POU2F1: variants seen among roughly 807,000 people sequenced by gnomAD.
POU2F1 encodes POU class 2 homeobox 1, also known as POU domain, class 2, transcription factor 1.
Under a neutral mutation model 84.9 loss-of-function variants are expected in POU2F1, and 16 were observed. That is an observed-to-expected ratio of 0.19 (90% CI 0.13 to 0.29). The LOEUF is 0.29. POU2F1 is among the 10% of genes least tolerant of loss of function. POU2F1 has a pLI of 1.00. For missense variants in POU2F1, 738 were observed against 942.6 expected, an observed-to-expected ratio of 0.78 and a Z score of 2.84; for synonymous variants, 368 against 368.3, an observed-to-expected ratio of 1.00 and a Z score of 0.01.
intron 1 of POU2F1, among the ~76,000 whole-genome samples, chr1:167,288,376 T>G (rs2102524236): frequency 6.6e-6 from 1 of 152,320 alleles, no homozygotes; most frequent in South Asian, 2.1e-4. Context: ...ATTCCTAACA[T>G]GGTTAGTCTT....
chr1:167,350,673 CAA>C (rs56240224), intron 2 of POU2F1, among the ~76,000 whole-genome samples: 15 of 58,692 alleles, frequency 2.6e-4, no homozygotes, highest in Non-Finnish European at 3.4e-4. Flanking sequence ...GACTCCATCT[CAA>C]AAAAAAAAAA....
chr1:167,369,389 A>G (rs1435132263), intron 3 of POU2F1, among the ~76,000 whole-genome samples: 1 of 152,184 alleles, frequency 6.6e-6, no homozygotes, highest in African/African-American at 2.4e-5. Context: ...TGTGAGTATC[A>G]AGTATCATTG....
intron 1 of POU2F1, among the ~76,000 whole-genome samples, chr1:167,251,687 G>A (rs1650737771): frequency 6.6e-6 from 1 of 152,048 alleles, no homozygotes; most frequent in Non-Finnish European, 1.5e-5. Context: ...GATCTTGTTT[G>A]TGTGACTACA....
At chr1:167,249,701 G>T (rs981209284) in intron 1 of POU2F1, among the ~76,000 whole-genome samples, 1 of 152,194 alleles carries the variant, frequency 6.6e-6, no homozygotes, top group South Asian at 2.1e-4. Flanking sequence ...AGAGCCAGAG[G>T]TCTGGGAGTA....
intron 1 of POU2F1, among the ~76,000 whole-genome samples, chr1:167,290,362 A>C (rs1389898591): frequency 3.3e-5 from 5 of 152,222 alleles, no homozygotes; most frequent in African/African-American, 1.2e-4. Context: ...GTGCCATTGC[A>C]CTTCAGCCTG....
chr1:167,389,070 G>A (rs1181169317), intron 8 of POU2F1, among the ~76,000 whole-genome samples: 1 of 152,126 alleles, frequency 6.6e-6, no homozygotes, highest in African/African-American at 2.4e-5. Context: ...ATATACAAAA[G>A]CGAAACCTGT....
intron 1 of POU2F1, among the ~76,000 whole-genome samples, chr1:167,306,337 A>T (rs1655062264): frequency 6.6e-6 from 1 of 152,224 alleles, no homozygotes; most frequent in Admixed American, 6.5e-5. Context: ...TCCTGTGTAC[A>T]ATAAAGATGA....
At chr1:167,407,318 C>T (rs1009687112) in intron 13 of POU2F1, among the ~76,000 whole-genome samples, 1 of 152,184 alleles carries the variant, frequency 6.6e-6, no homozygotes, top group African/African-American at 2.4e-5. Flanking sequence ...GCATGAGCCA[C>T]CATGCTCAGT....
chr1:167,316,295 G>A (rs1454016672), intron 1 of POU2F1, among the ~76,000 whole-genome samples: 1 of 152,008 alleles, frequency 6.6e-6, no homozygotes, highest in Admixed American at 6.5e-5. Context: ...ATGGTACATG[G>A]GACCCATCTT....
At chr1:167,290,388 C>A (rs1653840720) in intron 1 of POU2F1, among the ~76,000 whole-genome samples, 2 of 152,030 alleles carry the variant, frequency 1.3e-5, no homozygotes. Context: ...CAGAGCAAGG[C>A]CCTGTCTCAA....
chr1:167,254,098 CT>C (rs2102412376), intron 1 of POU2F1, among the ~76,000 whole-genome samples: 1 of 152,170 alleles, frequency 6.6e-6, no homozygotes, highest in African/African-American at 2.4e-5. Context: ...GGCACTTTTT[CT>C]TTTTTAAAGC....
chr1:167,408,848 T>G (rs1649764688), intron 13 of POU2F1, among the ~76,000 whole-genome samples: 1 of 152,250 alleles, frequency 6.6e-6, no homozygotes, highest in South Asian at 2.1e-4. Context: ...TCCTATATCT[T>G]CCTTGTTAAA....
At chr1:167,279,858 A>C (rs977760205) in intron 1 of POU2F1, among the ~76,000 whole-genome samples, 2 of 152,282 alleles carry the variant, frequency 1.3e-5, no homozygotes, top group African/African-American at 2.4e-5. Flanking sequence ...CATGGAAACT[A>C]TGTTTGGAAA....
intron 1 of POU2F1, among the ~76,000 whole-genome samples, chr1:167,301,992 T>C (rs972313942): frequency 1.3e-5 from 2 of 152,134 alleles, no homozygotes; most frequent in Admixed American, 6.6e-5. Context: ...TGGTAGAATT[T>C]TATGTTGATC....
At chr1:167,389,502 G>T in intron 8 of POU2F1, 86 bp from the exon 9 acceptor site, 1 of 1,418,980 alleles carries the variant, frequency 7.0e-7, no homozygotes, top group African/African-American at 1.4e-5. Context: ...CCATAAATGT[G>T]GCTCTTTCCT....
chr1:167,321,996 T>G (rs1656344556), intron 1 of POU2F1, among the ~76,000 whole-genome samples: 1 of 152,190 alleles, frequency 6.6e-6, no homozygotes, highest in African/African-American at 2.4e-5. Flanking sequence ...ATATAACTAC[T>G]TTGATATACT....
At chr1:167,289,595 T>G (rs2102528001) in intron 1 of POU2F1, among the ~76,000 whole-genome samples, 1 of 152,306 alleles carries the variant, frequency 6.6e-6, no homozygotes, top group African/African-American at 2.4e-5. Flanking sequence ...GTGCTGTAAG[T>G]GCTGAGAGGG....
At chr1:167,241,986 T>C (rs1649941742) in intron 1 of POU2F1, among the ~76,000 whole-genome samples, 1 of 152,170 alleles carries the variant, frequency 6.6e-6, no homozygotes, top group African/African-American at 2.4e-5. Flanking sequence ...AGAGCCTAAG[T>C]TTTCTTAAGT....
chr1:167,382,740 T>A lies in POU2F1; in HGVS notation c.719-1117T>A, dbSNP rs1268621917. 2.0e-5 allele frequency among the ~76,000 whole-genome samples: 3 copies of A among 152,228 alleles called. No individual in the cohort carries two copies. In the East Asian group the frequency reaches 5.8e-4, roughly 29 times the overall value. On this transcript the variant is annotated intron_variant, in intron 7 of 15. Transcript: ENST00000367866. ...TATTTGCTTCAATATATATTTCACT[T>A]GTCCCAGATCAGCAAAAGTCAGGGT...
Sources: gnomAD v4.1 joint callset for allele counts (sites outside exome capture counted in the v4.1 genomes callset) on GRCh38, gnomAD v4.1.1 for gene constraint, MANE v1.5 for transcripts, NCBI Gene and HGNC (gene_info 2026-07-23, HGNC 2026-07-21) for gene names.